The following ADGRL2 variants were observed in gnomAD, a reference collection of about 807,000 sequenced individuals.
The protein encoded by ADGRL2 is calcium-independent alpha-latrotoxin receptor 2.
Under a neutral mutation model 157.4 loss-of-function variants are expected in ADGRL2, and 44 were observed. The observed-to-expected ratio is 0.28, with a 90% CI of 0.22 to 0.36. The LOEUF (loss-of-function observed/expected upper bound fraction) is 0.36. ADGRL2 is among the 10% of genes least tolerant of loss of function. ADGRL2 has a pLI of 1.00. For missense variants in ADGRL2, 1,510 were observed against 1,768.9 expected (o/e 0.85, Z 2.63); for synonymous variants, 585 against 624.7 (o/e 0.94, Z 0.95).
intron 2 of ADGRL2, among the ~76,000 whole-genome samples, chr1:81,534,533 A>C (rs1488429188): frequency 1.3e-5 from 2 of 152,226 alleles, no homozygotes; most frequent in East Asian, 3.8e-4. Context: ...GCACTCTCAC[A>C]CATGTTATCT....
intron 2 of ADGRL2, among the ~76,000 whole-genome samples, chr1:81,839,764 T>C (rs1203082040): frequency 1.3e-5 from 2 of 148,162 alleles, no homozygotes; most frequent in African/African-American, 2.5e-5. Flanking sequence ...TGTATTTTTT[T>C]CATCATATAT....
intron 3 of ADGRL2, among the ~76,000 whole-genome samples, chr1:81,673,576 G>A (rs1443260046): frequency 2.1e-5 from 3 of 145,054 alleles, no homozygotes; most frequent in African/African-American, 5.1e-5. Flanking sequence ...GTGCAGTGGC[G>A]CGATCTCGGC....
rs539338106 is a variant in ADGRL2 at position 81,760,822 on chromosome 1, A to AT, written c.-142-981dup. On this transcript the variant is annotated intron_variant, in intron 1 of 20. Coordinates refer to the ADGRL2 transcript ENST00000359929. ...TAAAATAAAGTATTTCTGTGTTTAAATTTTTTTTACATTAAGAGCTTGCAT... is the reference window on the plus strand; with the variant it reads ...TAAAATAAAGTATTTCTGTGTTTAAATTTTTTTTTACATTAAGAGCTTGCAT... 9.9e-5 allele frequency among the ~76,000 whole-genome samples: 15 copies of AT among 151,430 alleles called. No homozygotes were observed. The South Asian group carries it at 2.5e-3, about 25-fold the overall frequency.
At chr1:81,437,568 T>C (rs994152025) in intron 1 of ADGRL2, among the ~76,000 whole-genome samples, 35 of 152,366 alleles carry the variant, frequency 2.3e-4, no homozygotes, top group African/African-American at 7.5e-4. Flanking sequence ...TGATGTGTTT[T>C]CAATTTAATG....
intron 1 of ADGRL2, among the ~76,000 whole-genome samples, chr1:81,754,464 C>A (rs1256454392): frequency 1.5e-5 from 2 of 136,664 alleles, no homozygotes; most frequent in East Asian, 4.8e-4. Flanking sequence ...TCCTCCTCCC[C>A]CTTCTCCCCT....
chr1:81,552,308 A>G (rs2080166077), intron 2 of ADGRL2, among the ~76,000 whole-genome samples: 1 of 152,110 alleles, frequency 6.6e-6, no homozygotes, highest in African/African-American at 2.4e-5. Flanking sequence ...GCTGATTCTC[A>G]TGAGGTTTCT....
At chr1:81,674,681 T>A (rs1258691405) in intron 3 of ADGRL2, among the ~76,000 whole-genome samples, 2 of 152,192 alleles carry the variant, frequency 1.3e-5, no homozygotes, top group Non-Finnish European at 2.9e-5. Flanking sequence ...CAATTCTGAA[T>A]GCAGTTTCTT....
intron 2 of ADGRL2, among the ~76,000 whole-genome samples, chr1:81,544,884 C>T (rs116468876): frequency 0.024 from 3,698 of 152,262 alleles, 76 homozygotes; most frequent in Non-Finnish European, 0.035. Context: ...TAATTCTGCA[C>T]GAACTCTTGA....
chr1:81,861,296 C>T (rs2093380681), intron 2 of ADGRL2, among the ~76,000 whole-genome samples: 1 of 152,122 alleles, frequency 6.6e-6, no homozygotes, highest in South Asian at 2.1e-4. Context: ...GCTGGGATTA[C>T]AGGCATGAGC....
intron 1 of ADGRL2, among the ~76,000 whole-genome samples, chr1:81,342,850 C>A (rs936341335): frequency 2.6e-5 from 4 of 151,994 alleles, no homozygotes; most frequent in African/African-American, 9.7e-5. Flanking sequence ...TAGATTTGGG[C>A]TCAATTCTTT....
intron 1 of ADGRL2, among the ~76,000 whole-genome samples, chr1:81,307,260 G>C (rs552427532): frequency 3.9e-5 from 6 of 152,228 alleles, no homozygotes; most frequent in African/African-American, 1.4e-4. Flanking sequence ...GATTAGGTTT[G>C]GATTAAAAAT....
At chr1:81,889,317 A>G (rs1410184247) in intron 2 of ADGRL2, among the ~76,000 whole-genome samples, 1 of 152,200 alleles carries the variant, frequency 6.6e-6, no homozygotes, top group Non-Finnish European at 1.5e-5. Flanking sequence ...TAAAAGTGCT[A>G]CTTCAGTGAA....
At chr1:81,979,815 T>C (rs1661163797) in intron 17 of ADGRL2, 54 bp from the exon 18 acceptor site, 13 of 1,009,188 alleles carry the variant, frequency 1.3e-5, no homozygotes, top group Non-Finnish European at 2.0e-5. Context: ...GCAAGAACTA[T>C]TCATTTTTCA....
intron 1 of ADGRL2, among the ~76,000 whole-genome samples, chr1:81,703,586 AG>A (rs1035541391): frequency 6.6e-6 from 1 of 152,176 alleles, no homozygotes; most frequent in African/African-American, 2.4e-5. Flanking sequence ...GAGTAAGTAT[AG>A]GAAAGGGTGG....
chr1:81,925,731 G>A (rs1052798626), intron 3 of ADGRL2, among the ~76,000 whole-genome samples: 2 of 151,886 alleles, frequency 1.3e-5, no homozygotes, highest in African/African-American at 4.8e-5. Flanking sequence ...AGGAAGTTCT[G>A]TCGGCATTTG....
intron 3 of ADGRL2, among the ~76,000 whole-genome samples, chr1:81,660,441 A>T (rs775960175): frequency 3.3e-5 from 5 of 152,176 alleles, no homozygotes; most frequent in African/African-American, 4.8e-5. Context: ...TAATAAAACC[A>T]GCAACCTTAC....
chr1:81,395,174 G>C (rs1325824492), intron 1 of ADGRL2, among the ~76,000 whole-genome samples: 1 of 152,132 alleles, frequency 6.6e-6, no homozygotes, highest in Non-Finnish European at 1.5e-5. Context: ...GCCTTTCAAA[G>C]TGCTAGGATT....
intron 2 of ADGRL2, among the ~76,000 whole-genome samples, chr1:81,863,517 C>T (rs1307777317): frequency 6.6e-6 from 1 of 152,106 alleles, no homozygotes; most frequent in Non-Finnish European, 1.5e-5. Flanking sequence ...ACTCTTTGCC[C>T]TAAATAGCAG....
At chr1:81,868,505 G>A (rs527568705) in intron 2 of ADGRL2, among the ~76,000 whole-genome samples, 1 of 152,192 alleles carries the variant, frequency 6.6e-6, no homozygotes, top group South Asian at 2.1e-4. Context: ...CCTTCGGTAA[G>A]CTCTCCTGGG....
Sources: gnomAD v4.1 joint callset for allele counts (sites outside exome capture counted in the v4.1 genomes callset) on GRCh38, gnomAD v4.1.1 for gene constraint, MANE v1.5 for transcripts, NCBI Gene and HGNC (gene_info 2026-07-23, HGNC 2026-07-21) for gene names.